RBFOX2: variants seen among roughly 807,000 people sequenced by gnomAD.
The protein encoded by RBFOX2 is RNA binding protein fox-1 homolog 2.
Under a neutral mutation model 49.1 loss-of-function variants are expected in RBFOX2, and 10 were observed. The ratio of observed to expected loss-of-function variants is 0.20; its 90% CI spans 0.13 to 0.35. The LOEUF is 0.35. Ranked by LOEUF, RBFOX2 falls within the 10% of genes least tolerant of loss-of-function variation. RBFOX2 has a pLI of 1.00. For synonymous variants in RBFOX2, 183 were observed against 187.4 expected, an observed-to-expected ratio of 0.98 and a Z score of 0.19; for missense variants, 323 against 486.9, an observed-to-expected ratio of 0.66 and a Z score of 3.17.
At chr22:35,808,587 C>T (rs1951198452) in intron 2 of RBFOX2, among the ~76,000 whole-genome samples, 1 of 152,056 alleles carries the variant, frequency 6.6e-6, no homozygotes, top group African/African-American at 2.4e-5. Context: ...GTGGCTCATG[C>T]CTCTAATCCC....
intron 1 of RBFOX2, among the ~76,000 whole-genome samples, chr22:35,957,486 C>G (rs955459880): frequency 3.3e-5 from 5 of 152,172 alleles, no homozygotes; most frequent in African/African-American, 1.2e-4. Flanking sequence ...ACTGACCTTA[C>G]AGATAAGAAA....
intron 1 of RBFOX2, among the ~76,000 whole-genome samples, chr22:35,916,956 G>A (rs369492922): frequency 6.6e-6 from 1 of 151,752 alleles, no homozygotes. Context: ...TGCATAGCAA[G>A]CATTCAGTAA....
At chr22:35,894,968 T>TA (rs772432648) in intron 1 of RBFOX2, among the ~76,000 whole-genome samples, 9 of 142,728 alleles carry the variant, frequency 6.3e-5, no homozygotes, top group Non-Finnish European at 1.2e-4. Context: ...TCACTTGAGT[T>TA]AAAAAATCCT....
chr22:35,912,929 AC>A (rs2049990267), intron 1 of RBFOX2, among the ~76,000 whole-genome samples: 1 of 152,232 alleles, frequency 6.6e-6, no homozygotes, highest in African/African-American at 2.4e-5. Flanking sequence ...TTTGTAATCA[AC>A]AAATGCAGAA....
intron 1 of RBFOX2, among the ~76,000 whole-genome samples, chr22:35,891,165 G>A (rs1228238336): frequency 6.6e-6 from 1 of 151,088 alleles, no homozygotes; most frequent in Non-Finnish European, 1.5e-5. Context: ...CTATGTCTTC[G>A]CTCTGTTGCC....
intron 1 of RBFOX2, among the ~76,000 whole-genome samples, chr22:35,948,089 T>A (rs529724955): frequency 2.0e-5 from 3 of 152,322 alleles, no homozygotes; most frequent in African/African-American, 7.2e-5. Context: ...TTGCTGTACA[T>A]GTTTAGATAA....
At chr22:35,907,689 G>A (rs185790097) in intron 1 of RBFOX2, among the ~76,000 whole-genome samples, 41 of 151,526 alleles carry the variant, frequency 2.7e-4, no homozygotes, top group Middle Eastern at 3.4e-3. Flanking sequence ...GCTCCGTCGC[G>A]CAGGCTGGAA....
chr22:35,821,915 G>A (rs1390250615), intron 1 of RBFOX2: 1 of 518,892 alleles, frequency 1.9e-6, no homozygotes, highest in Non-Finnish European at 3.8e-6. Context: ...GGAAATGGGA[G>A]GAAACCATAA....
At chr22:35,978,423 A>T (rs1461192209) in intron 1 of RBFOX2, among the ~76,000 whole-genome samples, 4 of 152,202 alleles carry the variant, frequency 2.6e-5, no homozygotes, top group African/African-American at 9.6e-5. Flanking sequence ...TTGCTGAGAC[A>T]GCCTAGAGGC....
intron 1 of RBFOX2, among the ~76,000 whole-genome samples, chr22:35,849,302 C>A (rs1256836434): frequency 1.7e-4 from 18 of 108,746 alleles, no homozygotes; most frequent in African/African-American, 8.6e-4. Flanking sequence ...CACACAAACA[C>A]ACACACACAC....
chr22:35,912,745 G>A (rs1014909523), intron 1 of RBFOX2, among the ~76,000 whole-genome samples: 1 of 152,070 alleles, frequency 6.6e-6, no homozygotes. Context: ...GGTGATCTGA[G>A]CTGAGGCATG....
intron 1 of RBFOX2, among the ~76,000 whole-genome samples, chr22:35,988,644 C>T (rs1417234801): frequency 1.3e-5 from 2 of 151,844 alleles, no homozygotes; most frequent in East Asian, 3.9e-4. Flanking sequence ...TATGCATGAG[C>T]GGGTCAAGGG....
intron 1 of RBFOX2, among the ~76,000 whole-genome samples, chr22:35,881,542 A>T (rs2045896402): frequency 6.6e-6 from 1 of 151,862 alleles, no homozygotes; most frequent in South Asian, 2.1e-4. Flanking sequence ...TGATCGCACC[A>T]CTGCACTCCA....
chr22:35,768,156 C>T lies in RBFOX2; in HGVS notation c.546+101G>A, dbSNP rs560670314. The stretch of plus-strand genomic sequence containing the variant: ...ATACAAACACACATACATGTGCACA[C>T]GCACACATAAGACAGGGTTCCAAAT... On this transcript the variant is annotated intron_variant, in intron 5 of 11. Coordinates refer to ENST00000405409, the Ensembl canonical transcript of RBFOX2. The T allele has an allele frequency of 7.8e-4, 962 of 1,225,766 alleles. 1 individual carries two copies. The highest frequency in any genetic ancestry group is 9.9e-4 in the Non-Finnish European group (838 of 843,908). 75.9% of individuals were successfully genotyped at this position (1,225,766 alleles called of 1,614,324 possible).
At chr22:35,803,532 C>T (rs1039471536) in intron 2 of RBFOX2, among the ~76,000 whole-genome samples, 6 of 152,032 alleles carry the variant, frequency 3.9e-5, no homozygotes, top group Non-Finnish European at 7.4e-5. Context: ...CAAAAATTAG[C>T]TGGGTTTGGT....
chr22:35,954,244 GA>G lies in RBFOX2; in HGVS notation c.42+7318del, dbSNP rs769495965. On this transcript the variant is annotated intron_variant, in intron 1 of 5. Coordinates refer to the RBFOX2 transcript ENST00000408983. ...AACATGTATTATTTGTACTTAACTA[GA>G]AAAAAATGGAGATAATAACAACACC... 6.6e-5 allele frequency among the ~76,000 whole-genome samples: 10 copies of G among 151,966 alleles called. No individual in the cohort carries two copies. The East Asian group carries it at 1.9e-3, about 29-fold the overall frequency.
At chr22:35,963,367 T>C (rs2056368042), upstream of RBFOX2, among the ~76,000 whole-genome samples, 1 of 152,192 alleles carries the variant, frequency 6.6e-6, no homozygotes, top group Non-Finnish European at 1.5e-5. Flanking sequence ...TAACAAGCCA[T>C]TCCTTGTGTG....
intron 1 of RBFOX2, among the ~76,000 whole-genome samples, chr22:35,858,507 A>G (rs1414176812): frequency 6.6e-6 from 1 of 152,198 alleles, no homozygotes; most frequent in Non-Finnish European, 1.5e-5. Flanking sequence ...GAACCTGTCC[A>G]TCCATCTTCC....
At chr22:35,874,346 C>T (rs574194519) in intron 1 of RBFOX2, among the ~76,000 whole-genome samples, 58 of 152,096 alleles carry the variant, frequency 3.8e-4, no homozygotes, top group African/African-American at 1.3e-3. Flanking sequence ...AAAAAAATTC[C>T]GTCTACCTCC....
Sources: gnomAD v4.1 joint callset for allele counts (sites outside exome capture counted in the v4.1 genomes callset) on GRCh38, gnomAD v4.1.1 for gene constraint, MANE v1.5 for transcripts, NCBI Gene and HGNC (gene_info 2026-07-23, HGNC 2026-07-21) for gene names.